FBXL19: variants seen among roughly 807,000 people sequenced by gnomAD.
The protein encoded by FBXL19 is F-box/LRR-repeat protein 19.
Under a neutral mutation model 71.2 loss-of-function variants are expected in FBXL19, and 16 were observed. The ratio of observed to expected loss-of-function variants is 0.22; its 90% confidence interval spans 0.15 to 0.34. The LOEUF (loss-of-function observed/expected upper bound fraction) is 0.34, where lower values mean the gene tolerates loss of function less well. Ranked by LOEUF, FBXL19 falls within the 10% of genes least tolerant of loss-of-function variation. The probability of loss-of-function intolerance (pLI) is 1.00; values close to 1 mark genes in which losing one functional copy is unlikely to be tolerated. For synonymous variants in FBXL19, 447 were observed against 409.4 expected (o/e 1.09, Z -1.11); for missense variants, 658 against 968.2 (o/e 0.68, Z 4.25).
intron 7 of FBXL19, among the ~76,000 whole-genome samples, chr16:30,937,652 C>T (rs971195135): frequency 2.6e-5 from 4 of 152,144 alleles, no homozygotes; most frequent in African/African-American, 9.7e-5. Flanking sequence ...GAAGAGGAGG[C>T]ACTGGAGCCG....
chr16:30,929,969 A>G, intron 6 of FBXL19, 104 bp from the exon 7 acceptor site: 2 of 1,454,532 alleles, frequency 1.4e-6, no homozygotes, highest in Non-Finnish European at 1.8e-6. Flanking sequence ...GCTGGAACTC[A>G]GGACTGTCCC....
At position 30,947,414 on chromosome 16, in the gene FBXL19, T is replaced by G. The variant is rs894949965; in HGVS notation, c.*184T>G. ...TCTTTCCCCCCTGCACTGATATCTC[T>G]GGGGGTTTCTCCTTCCTATGTCCTG... is the stretch of plus-strand genomic sequence containing the variant. On this transcript the variant is annotated 3_prime_UTR_variant, in exon 11 of 11. Transcript: ENST00000338343. 2 of 593,782 alleles carry G rather than the reference T, an allele frequency of 3.4e-6. No homozygotes were observed. Among genetic ancestry groups the G allele is most frequent in the Non-Finnish European group, 6.0e-6 (2 of 334,412 alleles). The allele number at this position is 593,782 out of a possible 1,614,324, so 36.8% of individuals were successfully genotyped here.
chr16:30,924,647 T>C (rs2055568561), intron 1 of FBXL19, 188 bp downstream of exon 1: 1 of 1,395,276 alleles, frequency 7.2e-7, no homozygotes, highest in Non-Finnish European at 9.2e-7. Flanking sequence ...AGACCCTGCT[T>C]CCCCTTGAAA....
chr16:30,924,547 G>C, intron 1 of FBXL19, 88 bp downstream of exon 1: 2 of 1,230,184 alleles, frequency 1.6e-6, no homozygotes, highest in East Asian at 3.2e-5. Flanking sequence ...TACCTTCCCC[G>C]CCCCCAGCCT....
intron 6 of FBXL19, 30 bp downstream of exon 6, chr16:30,928,658 C>G (rs1381413538): frequency 6.7e-7 from 1 of 1,491,000 alleles, no homozygotes; most frequent in African/African-American, 1.4e-5. Flanking sequence ...CCTCCCCTTC[C>G]CACCTTCCCT....
In FBXL19 at chr16:30,925,938, T is replaced by G; in HGVS notation, c.177+7T>G. On this transcript the variant is annotated splice_region_variant and intron_variant, in intron 2 of 10. Transcript: ENST00000338343. The surrounding 1 kb of genome is among the most constrained non-coding windows in gnomAD (Gnocchi z 5.0). ...GCTCCGGCAGTGCACTGCCGTGAGT[T>G]CTGCCCCCACCTTTGGGCTCTGCCC... The G allele has an allele frequency of 6.8e-7, 1 of 1,479,766 alleles. No individual in the cohort carries two copies. The highest frequency in any genetic ancestry group is 2.6e-5 in the Admixed American group (1 of 38,046). 91.7% of individuals were successfully genotyped at this position (1,479,766 alleles called of 1,614,324 possible).
At chr16:30,935,325 G>A (rs1159369620) in intron 7 of FBXL19, among the ~76,000 whole-genome samples, 1 of 152,206 alleles carries the variant, frequency 6.6e-6, no homozygotes, top group Non-Finnish European at 1.5e-5. Context: ...AGTGTGGAAG[G>A]ATGTACAGAG....
At chr16:30,929,553 ATTATT>A (rs372805514) in intron 6 of FBXL19, among the ~76,000 whole-genome samples, 310 of 152,028 alleles carry the variant, frequency 2.0e-3, no homozygotes, top group African/African-American at 6.8e-3. Flanking sequence ...AGGGCTGGAA[ATTATT>A]TTATTTTATT....
rs926866013 is a variant in FBXL19, at chr16:30,925,236, G to A, written c.-24-495G>A. Reference sequence around the variant, plus strand: ...CTGTGGATGAAAAGGTTGGTGGGGCGGGGGGGAGGAAAAGTCCGGAGCTTC... The same window carrying A: ...CTGTGGATGAAAAGGTTGGTGGGGCAGGGGGGAGGAAAAGTCCGGAGCTTC... On this transcript the variant is annotated intron_variant, in intron 1 of 10. Coordinates refer to ENST00000338343, the MANE Select transcript of FBXL19 (RefSeq NM_001382779.1). The surrounding 1 kb of genome is among the most constrained non-coding windows in gnomAD (Gnocchi z 5.0). 6.6e-6 allele frequency among the ~76,000 whole-genome samples: 1 copy of A among 151,948 alleles called. No homozygotes were observed. The highest frequency in any genetic ancestry group is 1.5e-5 in the Non-Finnish European group (1 of 67,958).
At chr16:30,922,991 AACT>A (rs751593794), upstream of FBXL19, 3 of 453,982 alleles carry the variant, frequency 6.6e-6, no homozygotes, top group Non-Finnish European at 8.9e-6. Context: ...AAGGCTATAA[AACT>A]ACTAATCCCA....
At chr16:30,944,020 T>C (rs1481151902) in intron 9 of FBXL19, among the ~76,000 whole-genome samples, 2 of 151,976 alleles carry the variant, frequency 1.3e-5, no homozygotes, top group Non-Finnish European at 2.9e-5. Flanking sequence ...CTTACCAGAA[T>C]TGGACTGAGT....
At chr16:30,927,048 C>T (rs983240886) in intron 2 of FBXL19, among the ~76,000 whole-genome samples, 4 of 152,192 alleles carry the variant, frequency 2.6e-5, no homozygotes, top group Admixed American at 6.5e-5. Context: ...ATCAGTGTCT[C>T]TCGCGTATTA....
chr16:30,928,416 G>A, intron 5 of FBXL19, 51 bp from the exon 6 acceptor site: 4 of 1,473,904 alleles, frequency 2.7e-6, no homozygotes, highest in Non-Finnish European at 3.6e-6. Context: ...TGGCCCATGA[G>A]GGCCTAATGG....
chr16:30,946,145 C>T lies in FBXL19; in HGVS notation c.1628-585C>T, dbSNP rs2055856431. Reference sequence around the variant, plus strand: ...TACTCTTGATGGAACGTGAAGGAATCGGCATGTCACATGGCAAGACAGCAA... The same window carrying T: ...TACTCTTGATGGAACGTGAAGGAATTGGCATGTCACATGGCAAGACAGCAA... On this transcript the variant is annotated intron_variant, in intron 9 of 10. Transcript: ENST00000338343. This position sits in a 1 kb window ranked among gnomAD's most constrained non-coding sequence, Gnocchi z 6.7. Among the ~76,000 whole-genome samples, 1 of 152,102 alleles carries T rather than the reference C, an allele frequency of 6.6e-6. No individual in the cohort carries two copies. The highest frequency in any genetic ancestry group is 1.5e-5 in the Non-Finnish European group (1 of 68,032).
At chr16:30,926,428 G>C (rs982021347) in intron 2 of FBXL19, among the ~76,000 whole-genome samples, 2 of 152,184 alleles carry the variant, frequency 1.3e-5, no homozygotes, top group African/African-American at 4.8e-5. Context: ...ATTAAACAAT[G>C]GCATGGATGC....
rs751306125 is a variant in FBXL19 at position 30,947,260 on chromosome 16, G to T, written c.*30G>T. 3.3e-6 allele frequency: 5 copies of T among 1,513,246 alleles called. No individual in the cohort carries two copies. The highest frequency in any genetic ancestry group is 3.9e-5 in the Admixed American group (2 of 51,346). 93.7% of individuals were successfully genotyped at this position (1,513,246 alleles called of 1,614,324 possible). A position where few individuals can be genotyped will look rare whatever the true frequency, so the allele number is the denominator to read the frequency against. Reference sequence around the variant, plus strand: ...GCGCCCCCCACCCTCCCCCGGACTCGACAGGAGCCTGGACCTCCGGCTTCA... The same window carrying T: ...GCGCCCCCCACCCTCCCCCGGACTCTACAGGAGCCTGGACCTCCGGCTTCA... On this transcript the variant is annotated 3_prime_UTR_variant, in exon 11 of 11. Transcript: ENST00000338343.
chr16:30,939,359 CTT>C (rs1297485476), intron 7 of FBXL19, among the ~76,000 whole-genome samples: 2 of 150,548 alleles, frequency 1.3e-5, no homozygotes, highest in Non-Finnish European at 3.0e-5. Context: ...CACACTTGGA[CTT>C]TTGTGTTTAT....
chr16:30,929,910 C>T (rs909623497), intron 6 of FBXL19, among the ~76,000 whole-genome samples, 163 bp from the exon 7 acceptor site: 1 of 152,202 alleles, frequency 6.6e-6, no homozygotes, highest in African/African-American at 2.4e-5. Flanking sequence ...AGGCCCAGGG[C>T]CTGGCAGTGG....
rs943809386 is a variant in FBXL19, at chr16:30,930,158, G to A, written c.875G>A (p.Arg292Gln). The A allele has an allele frequency of 2.0e-5, 32 of 1,613,324 alleles. 1 individual carries two copies. The highest frequency in any genetic ancestry group is 9.9e-5 in the South Asian group (9 of 91,090). ...AGGGAGAAGCTAGAGCGTTTCAAGC[G>A]GATGTGCCAGCTGCTGGAACGGGTG... is the stretch of plus-strand genomic sequence containing the variant. ...PQREKLERFK[R>Q]MCQLLERVPD... The change falls in exon 7 of 11, where the codon CGG becomes CAG. Residue 292 changes from arginine (R) to glutamine (Q), a missense_variant. This residue lies in a region of FBXL19 where 447 missense variants were observed against 515.4 expected (regional missense o/e 0.87). Transcript: ENST00000338343. This position sits in a 1 kb window ranked among gnomAD's most constrained non-coding sequence, Gnocchi z 8.5.
Sources: allele counts gnomAD v4.1 joint callset (sites outside exome capture counted in the v4.1 genomes callset), GRCh38; gene constraint gnomAD v4.1.1; regional missense constraint gnomAD v4.1.1; non-coding constraint Gnocchi (gnomAD v3.1); transcripts MANE v1.5; gene names NCBI Gene and HGNC (gene_info 2026-07-23, HGNC 2026-07-21).